Variants in CYYR1 observed in about 807,000 individuals in gnomAD.
CYYR1 encodes the protein cysteine and tyrosine rich 1, also known as cysteine and tyrosine-rich protein 1.
A neutral mutation model predicts 15.2 loss-of-function variants in CYYR1; 14 were observed. The observed-to-expected ratio is 0.92, with a 90% CI of 0.61 to 1.44. The LOEUF (loss-of-function observed/expected upper bound fraction) is 1.44. CYYR1 is among the 40% of genes most tolerant of loss of function. The pLI is 0.00. For missense variants in CYYR1, 228 were observed against 209.5 expected (o/e 1.09, Z -0.54); for synonymous variants, 80 against 77.4 (o/e 1.03, Z -0.18).
At chr21:26,544,934 G>C (rs1031429657) in intron 2 of CYYR1, among the ~76,000 whole-genome samples, 4 of 151,862 alleles carry the variant, frequency 2.6e-5, no homozygotes, top group African/African-American at 9.7e-5. Flanking sequence ...GCAACAGAGT[G>C]AGACCCTATC....
intron 2 of CYYR1, among the ~76,000 whole-genome samples, chr21:26,552,989 T>G (rs779952588): frequency 7.2e-5 from 11 of 152,160 alleles, no homozygotes; most frequent in Non-Finnish European, 1.2e-4. Flanking sequence ...TATTCCATGT[T>G]TTCTCTGGTA....
intron 3 of CYYR1, among the ~76,000 whole-genome samples, chr21:26,474,396 A>C (rs77188834): frequency 0.067 from 9,793 of 147,252 alleles, 1,045 homozygotes; most frequent in African/African-American, 0.23. Context: ...AAAAAAGAAG[A>C]ATACACCGTG....
intron 2 of CYYR1, among the ~76,000 whole-genome samples, chr21:26,510,176 A>G (rs1188678616): frequency 9.2e-5 from 14 of 152,234 alleles, no homozygotes; most frequent in Admixed American, 9.2e-4. Flanking sequence ...TGTAAACAGA[A>G]TTTCCAAATG....
At position 26,498,227 on chromosome 21, in the gene CYYR1, A is replaced by T. The variant is rs139793306; in HGVS notation, c.177-17798T>A. Among the ~76,000 whole-genome samples, 375 of 152,326 alleles carry T rather than the reference A, an allele frequency of 2.5e-3. 2 individuals carry two copies. Among genetic ancestry groups the T allele is most frequent in the Non-Finnish European group, 4.1e-3 (282 of 68,020 alleles). On this transcript the variant is annotated intron_variant, in intron 2 of 3. Transcript: ENST00000652641. ...ACAACAAAAATAACATCTTATTTGA[A>T]GGCCCTATAGCCATTTTTCTTTGTT... is the stretch of plus-strand genomic sequence containing the variant.
intron 2 of CYYR1, among the ~76,000 whole-genome samples, chr21:26,497,671 G>GGGTCATA (rs1179218276): frequency 1.3e-5 from 2 of 152,158 alleles, no homozygotes; most frequent in Non-Finnish European, 2.9e-5. Context: ...AGTGAAGTAT[G>GGGTCATA]ACCCATATCC....
At chr21:26,572,018 T>C (rs1379997103) in intron 1 of CYYR1, among the ~76,000 whole-genome samples, 1 of 152,224 alleles carries the variant, frequency 6.6e-6, no homozygotes, top group Non-Finnish European at 1.5e-5. Context: ...TCTTTTTGAG[T>C]ATCAAAGGTA....
rs1266393194 is a variant in CYYR1, at chr21:26,468,309, T to TAA, written c.*190_*191dup. 3.3e-6 allele frequency: 2 copies of TAA among 614,214 alleles called. No homozygotes were observed. The highest frequency in any genetic ancestry group is 3.7e-5 in the African/African-American group (2 of 54,660). 38.0% of individuals were successfully genotyped at this position (614,214 alleles called of 1,614,324 possible). On this transcript the variant is annotated 3_prime_UTR_variant, in exon 4 of 4. Coordinates refer to ENST00000652641, the MANE Select transcript of CYYR1 (RefSeq NM_001320768.2). ...AATGTGGTTCCATAGAACCAAACATTAATACTCCAGATGGGGTCAGCTTTG... is the reference window on the plus strand; with the variant it reads ...AATGTGGTTCCATAGAACCAAACATTAAAATACTCCAGATGGGGTCAGCTTTG...
At chr21:26,572,815 A>G in intron 1 of CYYR1, 53 bp downstream of exon 1, 1 of 1,602,106 alleles carries the variant, frequency 6.2e-7, no homozygotes, top group Non-Finnish European at 8.5e-7. Context: ...CCGGACCGTG[A>G]CCCAAGGGCA....
intron 2 of CYYR1, among the ~76,000 whole-genome samples, chr21:26,489,382 C>T (rs910674005): frequency 2.1e-4 from 32 of 151,960 alleles, no homozygotes; most frequent in Non-Finnish European, 5.9e-5. Flanking sequence ...TTAAGAACTG[C>T]CTGGTTAGCA....
At chr21:26,476,606 A>ATCTATCTG (rs1347857923) in intron 3 of CYYR1, among the ~76,000 whole-genome samples, 2 of 151,632 alleles carry the variant, frequency 1.3e-5, no homozygotes, top group African/African-American at 4.8e-5. Flanking sequence ...CTATCTATCT[A>ATCTATCTG]TCTATCTATC....
intron 3 of CYYR1, among the ~76,000 whole-genome samples, chr21:26,473,755 A>G (rs1418112071): frequency 6.6e-6 from 1 of 152,150 alleles, no homozygotes; most frequent in African/African-American, 2.4e-5. Context: ...TTTTGAGATG[A>G]AAGAATAATG....
At chr21:26,538,990 T>C (rs1268262129) in intron 2 of CYYR1, among the ~76,000 whole-genome samples, 1 of 152,054 alleles carries the variant, frequency 6.6e-6, no homozygotes, top group Non-Finnish European at 1.5e-5. Flanking sequence ...TTTGAAACAA[T>C]GATGAGTGAA....
intron 3 of CYYR1, chr21:26,478,162 A>G (rs1047110898): frequency 6.5e-7 from 1 of 1,548,490 alleles, no homozygotes; most frequent in Non-Finnish European, 8.7e-7. Flanking sequence ...AACAATAAAC[A>G]ATCAACATAA....
rs746729718 is a variant in CYYR1, at chr21:26,572,866, A to G, written c.73+2T>C. 10 of 1,613,736 alleles carry G rather than the reference A, an allele frequency of 6.2e-6. No individual in the cohort carries two copies. Among genetic ancestry groups the G allele is most frequent in the Non-Finnish European group, 7.6e-6 (9 of 1,179,872 alleles). On this transcript the variant is annotated splice_donor_variant, in intron 1 of 3. Coordinates refer to ENST00000652641, the MANE Select transcript of CYYR1 (RefSeq NM_001320768.2). LOFTEE classifies it high-confidence loss of function. Reference sequence around the variant, plus strand: ...CCCTCTCCGCCGCCCTCCGTCACTGACCTGCGTAGACAAAGAGCAGGACCA... The same window carrying G: ...CCCTCTCCGCCGCCCTCCGTCACTGGCCTGCGTAGACAAAGAGCAGGACCA...
intron 2 of CYYR1, among the ~76,000 whole-genome samples, chr21:26,522,873 A>G (rs2123567647): frequency 6.6e-6 from 1 of 152,342 alleles, no homozygotes; most frequent in South Asian, 2.1e-4. Flanking sequence ...AGAAATCAAG[A>G]GTGTTCTGAG....
chr21:26,507,567 C>T lies in CYYR1; in HGVS notation c.177-27138G>A, dbSNP rs183304744. Reference sequence around the variant, plus strand: ...TTATACTCATAGCATCTGATGAGGTCAGCATTAAGAAGCAAGGCAATTATT... The same window carrying T: ...TTATACTCATAGCATCTGATGAGGTTAGCATTAAGAAGCAAGGCAATTATT... On this transcript the variant is annotated intron_variant, in intron 2 of 3. Transcript: ENST00000652641. Among the ~76,000 whole-genome samples the T allele has an allele frequency of 3.7e-3, 566 of 152,234 alleles. 1 individual carries two copies. The highest frequency in any genetic ancestry group is 6.1e-3 in the Non-Finnish European group (417 of 68,022).
intron 2 of CYYR1, among the ~76,000 whole-genome samples, chr21:26,553,677 T>A (rs1015133514): frequency 6.6e-6 from 1 of 152,170 alleles, no homozygotes; most frequent in Non-Finnish European, 1.5e-5. Context: ...AGTCCTGAAG[T>A]AGCTGCTTCG....
At chr21:26,543,542 C>T (rs1430957694) in intron 2 of CYYR1, among the ~76,000 whole-genome samples, 2 of 152,260 alleles carry the variant, frequency 1.3e-5, no homozygotes, top group Non-Finnish European at 2.9e-5. Context: ...ACTTTGGCAC[C>T]TCAGCAAAGC....
rs906810433 is a variant in CYYR1, at chr21:26,573,132, C to T, written c.-192G>A. ...TCCCGGGCCAGCGACTGCGGGACTCCGCGGAGCTGGGGCGCCCGTGGCCCG... is the reference window on the plus strand; with the variant it reads ...TCCCGGGCCAGCGACTGCGGGACTCTGCGGAGCTGGGGCGCCCGTGGCCCG... On this transcript the variant is annotated 5_prime_UTR_variant, in exon 1 of 4. Coordinates refer to ENST00000652641, the MANE Select transcript of CYYR1 (RefSeq NM_001320768.2). The T allele has an allele frequency of 4.0e-6, 6 of 1,499,934 alleles. No individual in the cohort carries two copies. Among genetic ancestry groups the T allele is most frequent in the African/African-American group, 1.4e-5 (1 of 71,014 alleles). 92.9% of individuals were successfully genotyped at this position (1,499,934 alleles called of 1,614,324 possible). A position where few individuals can be genotyped will look rare whatever the true frequency, so the allele number is the denominator to read the frequency against.
Sources: allele counts gnomAD v4.1 joint callset (sites outside exome capture counted in the v4.1 genomes callset), GRCh38; gene constraint gnomAD v4.1.1; transcripts MANE v1.5; gene names NCBI Gene and HGNC (gene_info 2026-07-23, HGNC 2026-07-21).